VMP1: variants seen among roughly 807,000 people sequenced by gnomAD.
VMP1 encodes the protein vacuole membrane protein 1, also known as ectopic P-granules autophagy protein 3 homolog.
Under a neutral mutation model 56.0 loss-of-function variants are expected in VMP1, and 11 were observed. The ratio of observed to expected loss-of-function variants is 0.20; its 90% CI spans 0.12 to 0.32. The LOEUF is 0.32. Among genes scored for constraint, VMP1 ranks in the 10% least tolerant of loss-of-function variants. VMP1 has a pLI of 1.00. For synonymous variants in VMP1, 149 were observed against 165.0 expected, an observed-to-expected ratio of 0.90 and a Z score of 0.74; for missense variants, 296 against 490.3, an observed-to-expected ratio of 0.60 and a Z score of 3.74.
chr17:59,812,992 G>A (rs2038104688), intron 9 of VMP1, among the ~76,000 whole-genome samples: 2 of 152,156 alleles, frequency 1.3e-5, no homozygotes, highest in Admixed American at 6.6e-5. Context: ...ATAATTACAA[G>A]TGTGTCTATC....
In VMP1 at chr17:59,840,105, C is replaced by CAA; in HGVS notation, c.*194_*195insAA. ...TGTGCTAAGGTAAGGTATCCACCCT[C>CAA]GATGCAATCCACCTTGTGTTTTCTT... On this transcript the variant is annotated 3_prime_UTR_variant, in exon 12 of 12. Coordinates refer to ENST00000262291, the MANE Select transcript of VMP1 (RefSeq NM_030938.5). 1.7e-6 allele frequency: 1 copy of CAA among 589,156 alleles called. No homozygotes were observed. The allele number at this position is 589,156 out of a possible 1,614,324, so 36.5% of individuals were successfully genotyped here.
At chr17:59,726,709 AT>A (rs999049013) in intron 1 of VMP1, among the ~76,000 whole-genome samples, 2 of 152,160 alleles carry the variant, frequency 1.3e-5, no homozygotes, top group African/African-American at 4.8e-5. Context: ...TCCTCAGTTG[AT>A]TTTTTTATTA....
intron 5 of VMP1, among the ~76,000 whole-genome samples, chr17:59,744,352 C>G (rs1456183027): frequency 6.7e-6 from 1 of 150,366 alleles, no homozygotes; most frequent in Admixed American, 6.7e-5. Flanking sequence ...ATCCCAGCTA[C>G]TCAGGAGGCT....
chr17:59,787,019 C>T (rs1196637690), intron 7 of VMP1, among the ~76,000 whole-genome samples: 1 of 152,164 alleles, frequency 6.6e-6, no homozygotes, highest in African/African-American at 2.4e-5. Context: ...GGTAGATAGT[C>T]TTTCACAGTT....
At chr17:59,792,542 A>AT (rs1045699491) in intron 7 of VMP1, among the ~76,000 whole-genome samples, 2 of 151,672 alleles carry the variant, frequency 1.3e-5, no homozygotes, top group South Asian at 2.1e-4. Context: ...TCATCTACTG[A>AT]TTTTTTTTAT....
chr17:59,839,989 A>C lies in VMP1; in HGVS notation c.*78A>C, dbSNP rs1255769741. Reference sequence around the variant, plus strand: ...TTGGGAGGACTCCAAGCCGGGAAGGAAAATTCCCTTTTCCAACCTGTATCA... The same window carrying C: ...TTGGGAGGACTCCAAGCCGGGAAGGCAAATTCCCTTTTCCAACCTGTATCA... On this transcript the variant is annotated 3_prime_UTR_variant, in exon 12 of 12. Coordinates refer to ENST00000262291, the MANE Select transcript of VMP1 (RefSeq NM_030938.5). 13 of 1,557,306 alleles carry C rather than the reference A, an allele frequency of 8.3e-6. No individual in the cohort carries two copies. Among genetic ancestry groups the C allele is most frequent in the Non-Finnish European group, 1.1e-5 (13 of 1,155,494 alleles).
intron 6 of VMP1, among the ~76,000 whole-genome samples, chr17:59,767,485 G>A (rs1343247347): frequency 6.6e-6 from 1 of 152,184 alleles, no homozygotes; most frequent in Non-Finnish European, 1.5e-5. Context: ...TGAAAAAAAT[G>A]TTAGAATAAC....
rs1212994520 is a variant in VMP1 at position 59,840,163 on chromosome 17, C to T, written c.*252C>T. ...AATGTGATGTTCAGCAGCAAACTTG[C>T]AACAGACTGGCCTTCTGTTTGTTAC... On this transcript the variant is annotated 3_prime_UTR_variant, in exon 12 of 12. Coordinates refer to ENST00000262291, the MANE Select transcript of VMP1 (RefSeq NM_030938.5). 4 of 427,126 alleles carry T rather than the reference C, an allele frequency of 9.4e-6. No individual in the cohort carries two copies. Among genetic ancestry groups the T allele is most frequent in the Admixed American group, 9.0e-5 (2 of 22,176 alleles). 26.5% of individuals were successfully genotyped at this position (427,126 alleles called of 1,614,324 possible).
At chr17:59,731,190 C>T (rs961687277) in intron 1 of VMP1, among the ~76,000 whole-genome samples, 1 of 152,024 alleles carries the variant, frequency 6.6e-6, no homozygotes, top group Admixed American at 6.6e-5. Context: ...AAAAGGTTTA[C>T]AACTATATGG....
intron 7 of VMP1, among the ~76,000 whole-genome samples, chr17:59,798,564 G>T (rs189972050): frequency 3.9e-5 from 6 of 152,276 alleles, no homozygotes; most frequent in Admixed American, 1.3e-4. Context: ...TGCTTGTGAG[G>T]TCTCACCATT....
chr17:59,735,186 A>G (rs1252242323), intron 2 of VMP1, 152 bp from the exon 3 acceptor site: 2 of 953,440 alleles, frequency 2.1e-6, no homozygotes, highest in African/African-American at 1.7e-5. Context: ...TGCTGAGATT[A>G]TAGGTACTAC....
At chr17:59,814,282 G>A (rs2038154228) in intron 9 of VMP1, among the ~76,000 whole-genome samples, 1 of 152,144 alleles carries the variant, frequency 6.6e-6, no homozygotes, top group Admixed American at 6.6e-5. Context: ...TGGCCGATGA[G>A]TGATTTTTTT....
At chr17:59,798,614 C>T (rs902454674) in intron 7 of VMP1, among the ~76,000 whole-genome samples, 4 of 152,206 alleles carry the variant, frequency 2.6e-5, no homozygotes, top group Admixed American at 6.6e-5. Flanking sequence ...AGGCCGGGCA[C>T]GGTGGCTCAC....
chr17:59,770,598 T>G (rs75893931), intron 6 of VMP1, among the ~76,000 whole-genome samples: 1 of 152,010 alleles, frequency 6.6e-6, no homozygotes, highest in Non-Finnish European at 1.5e-5. Flanking sequence ...TTTTTTTTTT[T>G]TCTGAGGTGG....
chr17:59,835,937 A>G (rs973333302), intron 10 of VMP1, among the ~76,000 whole-genome samples: 1 of 149,686 alleles, frequency 6.7e-6, no homozygotes, highest in African/African-American at 2.4e-5. Context: ...TTTCTAGTCT[A>G]AATGGATGAG....
intron 5 of VMP1, among the ~76,000 whole-genome samples, chr17:59,750,926 C>CTTTTT (rs35948198): frequency 2.0e-4 from 18 of 91,000 alleles, no homozygotes; most frequent in African/African-American, 2.9e-4. Context: ...AAGATAGCAC[C>CTTTTT]TTTTTTTTTT....
chr17:59,719,229 G>A (rs2034295359), intron 1 of VMP1, among the ~76,000 whole-genome samples: 1 of 152,138 alleles, frequency 6.6e-6, no homozygotes, highest in South Asian at 2.1e-4. Context: ...TGAGGCCAGA[G>A]CATCGCTTGA....
At chr17:59,812,791 C>T (rs546613900) in intron 9 of VMP1, among the ~76,000 whole-genome samples, 1 of 152,024 alleles carries the variant, frequency 6.6e-6, no homozygotes, top group Non-Finnish European at 1.5e-5. Flanking sequence ...ATTAGCTGGG[C>T]GTGGTGGCGC....
chr17:59,758,796 T>G (rs2035940489), intron 5 of VMP1, among the ~76,000 whole-genome samples: 1 of 150,560 alleles, frequency 6.6e-6, no homozygotes, highest in Non-Finnish European at 1.5e-5. Flanking sequence ...CTACAAATAA[T>G]GAAAAAAAAT....
Sources: allele counts gnomAD v4.1 joint callset (sites outside exome capture counted in the v4.1 genomes callset), GRCh38; gene constraint gnomAD v4.1.1; transcripts MANE v1.5; gene names NCBI Gene and HGNC (gene_info 2026-07-23, HGNC 2026-07-21).